Variants in UST observed in about 807,000 individuals in gnomAD.
The protein encoded by UST is uronyl 2-sulfotransferase, also known as chondroitin sulfate 2-O-sulfotransferase.
Under a neutral mutation model 45.6 loss-of-function variants are expected in UST, and 21 were observed. The observed-to-expected ratio is 0.46, with a 90% CI of 0.33 to 0.66. The LOEUF (loss-of-function observed/expected upper bound fraction) is 0.66. UST is among the 30% of genes least tolerant of loss of function. The pLI, the probability that UST is intolerant of heterozygous loss-of-function variation, is 0.02. For synonymous variants in UST, 215 were observed against 200.6 expected (o/e 1.07, Z -0.61); for missense variants, 463 against 512.4 (o/e 0.90, Z 0.93).
At chr6:148,989,222 C>T (rs1394224178) in intron 5 of UST, among the ~76,000 whole-genome samples, 1 of 77,268 alleles carries the variant, frequency 1.3e-5, no homozygotes, top group South Asian at 5.8e-4. Context: ...CCCCCCCACC[C>T]CCCGCAAATG....
chr6:148,972,630 C>A (rs963046615), intron 5 of UST, among the ~76,000 whole-genome samples: 1 of 152,266 alleles, frequency 6.6e-6, no homozygotes, highest in East Asian at 1.9e-4. Context: ...CCAGGTGCAT[C>A]CGCCGGCCAC....
At chr6:148,820,526 T>TA (rs1777436938) in intron 1 of UST, among the ~76,000 whole-genome samples, 1 of 152,086 alleles carries the variant, frequency 6.6e-6, no homozygotes, top group Non-Finnish European at 1.5e-5. Flanking sequence ...ATAACTCTAC[T>TA]ATTGAATGCA....
At chr6:148,933,618 G>A (rs1229625755) in intron 2 of UST, among the ~76,000 whole-genome samples, 3 of 152,170 alleles carry the variant, frequency 2.0e-5, no homozygotes, top group Non-Finnish European at 2.9e-5. Flanking sequence ...TCTGAGATCG[G>A]TTCTGTGTAT....
chr6:148,987,234 C>T (rs1458315933), intron 5 of UST, among the ~76,000 whole-genome samples: 2 of 152,212 alleles, frequency 1.3e-5, no homozygotes, highest in Admixed American at 1.3e-4. Context: ...ATTGTTTATC[C>T]TCCCAGCTTG....
intron 2 of UST, among the ~76,000 whole-genome samples, chr6:148,913,818 A>T (rs535077871): frequency 8.5e-5 from 13 of 152,320 alleles, no homozygotes; most frequent in South Asian, 2.1e-4. Context: ...AAATTTTTTT[A>T]AAATTATGGA....
intron 1 of UST, among the ~76,000 whole-genome samples, chr6:148,820,671 A>G (rs1176057071): frequency 6.6e-6 from 1 of 151,908 alleles, no homozygotes; most frequent in Non-Finnish European, 1.5e-5. Flanking sequence ...TAACACGATG[A>G]AACCCCGTCT....
chr6:148,771,218 T>G (rs1776418669), intron 1 of UST, among the ~76,000 whole-genome samples: 1 of 152,252 alleles, frequency 6.6e-6, no homozygotes, highest in Non-Finnish European at 1.5e-5. Flanking sequence ...TAAGTTGGCA[T>G]TGAGGCTGTA....
At chr6:148,953,266 A>G (rs1375690783) in intron 3 of UST, among the ~76,000 whole-genome samples, 1 of 152,218 alleles carries the variant, frequency 6.6e-6, no homozygotes, top group African/African-American at 2.4e-5. Flanking sequence ...AAAGGAAGGG[A>G]TAGAAGGCAT....
intron 1 of UST, among the ~76,000 whole-genome samples, chr6:148,802,963 T>C (rs151184106): frequency 1.6e-4 from 25 of 152,220 alleles, no homozygotes; most frequent in African/African-American, 4.6e-4. Flanking sequence ...TACAAGGCTC[T>C]GAATAAATGG....
intron 1 of UST, among the ~76,000 whole-genome samples, chr6:148,861,599 A>G (rs1022348171): frequency 2.6e-5 from 4 of 152,068 alleles, no homozygotes; most frequent in African/African-American, 9.7e-5. Flanking sequence ...TAGGGTGTCA[A>G]TTTTAGATCT....
At chr6:149,067,291 T>C (rs1216472928) in intron 7 of UST, among the ~76,000 whole-genome samples, 1 of 152,194 alleles carries the variant, frequency 6.6e-6, no homozygotes, top group Non-Finnish European at 1.5e-5. Context: ...GGCAATTTTG[T>C]TCCTCTTTGG....
intron 1 of UST, among the ~76,000 whole-genome samples, chr6:148,784,087 T>C (rs1260884365): frequency 6.6e-6 from 1 of 152,190 alleles, no homozygotes; most frequent in Non-Finnish European, 1.5e-5. Context: ...CGCTTCATCA[T>C]TTTAAATAAA....
At chr6:148,818,211 A>G (rs939312379) in intron 1 of UST, among the ~76,000 whole-genome samples, 5 of 149,574 alleles carry the variant, frequency 3.3e-5, no homozygotes, top group Admixed American at 1.3e-4. Flanking sequence ...GTGAAGTGGC[A>G]TACATCTTGC....
At chr6:148,780,525 G>A (rs1776624827) in intron 1 of UST, among the ~76,000 whole-genome samples, 2 of 152,130 alleles carry the variant, frequency 1.3e-5, no homozygotes, top group African/African-American at 2.4e-5. Flanking sequence ...ACTTATAAGC[G>A]AGAACATGTG....
Position 148,773,996 on chromosome 6 carries a change from A to T in UST, c.247+26319A>T, listed in dbSNP as rs185416590. On this transcript the variant is annotated intron_variant, in intron 1 of 7. Coordinates refer to ENST00000367463, the MANE Select transcript of UST (RefSeq NM_005715.3). ...TTTATAAAGAAGCTTATCTGACTCT[A>T]TGCTGGTGTCAAACACCTCCAGGTA... Among the ~76,000 whole-genome samples, 11 of 152,294 alleles carry T rather than the reference A, an allele frequency of 7.2e-5. No homozygotes were observed. The East Asian group carries it at 2.1e-3, about 29-fold the overall frequency.
At chr6:148,825,004 T>G (rs1008334917) in intron 1 of UST, among the ~76,000 whole-genome samples, 8 of 151,710 alleles carry the variant, frequency 5.3e-5, no homozygotes, top group African/African-American at 1.9e-4. Context: ...ACAAAGGACA[T>G]GAACTCATCA....
chr6:148,994,073 G>A (rs1005848104), intron 5 of UST, among the ~76,000 whole-genome samples: 20 of 144,736 alleles, frequency 1.4e-4, no homozygotes, highest in African/African-American at 7.8e-5. Flanking sequence ...AAGTTCAAGC[G>A]ATTCTTGTGC....
chr6:149,031,205 C>CAA (rs746394188), intron 7 of UST, among the ~76,000 whole-genome samples: 1 of 51,180 alleles, frequency 2.0e-5, no homozygotes, highest in Non-Finnish European at 3.7e-5. Flanking sequence ...AGACTCATCT[C>CAA]AAAAAAAAAA....
At chr6:148,837,892 G>A (rs775183840) in intron 1 of UST, among the ~76,000 whole-genome samples, 2 of 152,062 alleles carry the variant, frequency 1.3e-5, no homozygotes, top group African/African-American at 2.4e-5. Context: ...TTGTAGAGAC[G>A]GGGTTTCGCC....
Sources: gnomAD v4.1 joint callset for allele counts (sites outside exome capture counted in the v4.1 genomes callset) on GRCh38, gnomAD v4.1.1 for gene constraint, MANE v1.5 for transcripts, NCBI Gene and HGNC (gene_info 2026-07-23, HGNC 2026-07-21) for gene names.